The following SAMD3 variants were observed in gnomAD, a reference collection of about 807,000 sequenced individuals.
SAMD3 encodes sterile alpha motif domain containing 3.
In SAMD3, 63 loss-of-function variants were observed where a neutral mutation model predicts 58.5. The ratio of observed to expected loss-of-function variants is 1.08; its 90% CI spans 0.88 to 1.33. The LOEUF (loss-of-function observed/expected upper bound fraction) is 1.33. Ranked by LOEUF, SAMD3 falls within the 40% of genes most tolerant of loss-of-function variation. The pLI is 0.00. For missense variants in SAMD3, 604 were observed against 608.4 expected, an observed-to-expected ratio of 0.99 and a Z score of 0.08; for synonymous variants, 220 against 210.3, an observed-to-expected ratio of 1.05 and a Z score of -0.40.
intron 2 of SAMD3, among the ~76,000 whole-genome samples, chr6:130,255,393 G>A (rs991419292): frequency 5.3e-5 from 8 of 152,024 alleles, no homozygotes; most frequent in Admixed American, 2.0e-4. Context: ...TGATAATAGG[G>A]TATTGAAGCC....
At chr6:130,192,008 T>G (rs969141388) in intron 5 of SAMD3, among the ~76,000 whole-genome samples, 2 of 152,190 alleles carry the variant, frequency 1.3e-5, no homozygotes, top group Non-Finnish European at 2.9e-5. Context: ...ATCTCAAGCC[T>G]TCTTCTCAGG....
intron 1 of SAMD3, among the ~76,000 whole-genome samples, chr6:130,363,133 C>A (rs1471600030): frequency 6.6e-6 from 1 of 152,164 alleles, no homozygotes; most frequent in Non-Finnish European, 1.5e-5. Context: ...TATTTCACAT[C>A]AAGAACAAAG....
chr6:130,270,351 C>A (rs1774515368), intron 2 of SAMD3, among the ~76,000 whole-genome samples: 1 of 152,194 alleles, frequency 6.6e-6, no homozygotes, highest in South Asian at 2.1e-4. Context: ...CCTCAGCCTC[C>A]CAAAGTGCTG....
rs545684598 is a variant in SAMD3 at position 130,151,481 on chromosome 6, G to T, written c.1023+3344C>A. Among the ~76,000 whole-genome samples the T allele has an allele frequency of 3.3e-5, 5 of 152,022 alleles. No individual in the cohort carries two copies. In the East Asian group the frequency reaches 9.7e-4, roughly 29 times the overall value. Reference sequence around the variant, plus strand: ...TTTAACACGGAGTTTCACTCTTGTTGCCCAGACTGGAGTGCAGTGGCGCAA... The same window carrying T: ...TTTAACACGGAGTTTCACTCTTGTTTCCCAGACTGGAGTGCAGTGGCGCAA... On this transcript the variant is annotated intron_variant, in intron 9 of 11. Coordinates refer to ENST00000439090, the MANE Select transcript of SAMD3 (RefSeq NM_001017373.4).
chr6:130,211,041 A>G (rs1454636891), intron 4 of SAMD3, among the ~76,000 whole-genome samples: 1 of 151,408 alleles, frequency 6.6e-6, no homozygotes, highest in East Asian at 2.0e-4. Context: ...AATTGCTTGA[A>G]CCTGGGAGGC....
At chr6:130,190,788 C>G (rs1342764814) in intron 5 of SAMD3, among the ~76,000 whole-genome samples, 2 of 151,992 alleles carry the variant, frequency 1.3e-5, no homozygotes, top group Non-Finnish European at 2.9e-5. Context: ...TACATAAACA[C>G]CGATTTAATC....
At chr6:130,179,790 T>C (rs985677549) in intron 7 of SAMD3, among the ~76,000 whole-genome samples, 3 of 149,990 alleles carry the variant, frequency 2.0e-5, no homozygotes, top group Non-Finnish European at 4.4e-5. Context: ...ATTGTGGTTA[T>C]ATAAGAGATT....
chr6:130,161,332 T>C (rs1790262400), intron 8 of SAMD3: 1 of 152,248 alleles, frequency 6.6e-6, no homozygotes, highest in South Asian at 2.1e-4. Flanking sequence ...AAAAAATGTT[T>C]TAATTATCTA....
upstream of SAMD3, among the ~76,000 whole-genome samples, chr6:130,223,688 G>A (rs781545627): frequency 2.0e-5 from 3 of 152,160 alleles, no homozygotes; most frequent in South Asian, 2.1e-4. Context: ...CAGGGCGTGC[G>A]ATGGGTGTGA....
At chr6:130,188,385 C>A (rs1793203296) in intron 5 of SAMD3, among the ~76,000 whole-genome samples, 1 of 152,206 alleles carries the variant, frequency 6.6e-6, no homozygotes, top group Non-Finnish European at 1.5e-5. Context: ...GTATATATAA[C>A]ATTGCTTAGC....
At chr6:130,164,896 G>A (rs1443762598) in intron 8 of SAMD3, among the ~76,000 whole-genome samples, 1 of 152,042 alleles carries the variant, frequency 6.6e-6, no homozygotes, top group East Asian at 1.9e-4. Flanking sequence ...TGGTTAAACT[G>A]GTAAGTAACA....
upstream of SAMD3, among the ~76,000 whole-genome samples, chr6:130,223,826 A>C (rs1009982286): frequency 3.9e-5 from 6 of 152,148 alleles, no homozygotes; most frequent in Admixed American, 2.6e-4. Flanking sequence ...CAGAAGCCCC[A>C]GTGGGAGTGT....
chr6:130,221,500 C>A (rs191020966), intron 1 of SAMD3: 13 of 152,202 alleles, frequency 8.5e-5, no homozygotes, highest in Non-Finnish European at 1.8e-4. Context: ...AGAATCTTAA[C>A]TGATAACATA....
At chr6:130,240,607 G>GT in intron 2 of SAMD3, among the ~76,000 whole-genome samples, 1 of 152,318 alleles carries the variant, frequency 6.6e-6, no homozygotes, top group Non-Finnish European at 1.5e-5. Context: ...AATTCCCAAT[G>GT]TGACTGTGTT....
At chr6:130,189,631 A>G (rs1793346569) in intron 5 of SAMD3, among the ~76,000 whole-genome samples, 1 of 152,058 alleles carries the variant, frequency 6.6e-6, no homozygotes, top group South Asian at 2.1e-4. Flanking sequence ...GTATTTATTT[A>G]CTTATTTCCA....
chr6:130,266,198 C>T (rs1334161029), intron 2 of SAMD3, among the ~76,000 whole-genome samples: 2 of 152,114 alleles, frequency 1.3e-5, no homozygotes, highest in Non-Finnish European at 2.9e-5. Context: ...TTATTTCAAA[C>T]CTTCTATGAT....
chr6:130,186,852 C>T (rs939612396), intron 5 of SAMD3, among the ~76,000 whole-genome samples: 2 of 146,380 alleles, frequency 1.4e-5, no homozygotes, highest in African/African-American at 2.5e-5. Context: ...CTCACTGCAA[C>T]CTCCGCCTCC....
At chr6:130,245,864 G>C (rs1773524087) in intron 2 of SAMD3, among the ~76,000 whole-genome samples, 1 of 151,942 alleles carries the variant, frequency 6.6e-6, no homozygotes, top group African/African-American at 2.4e-5. Flanking sequence ...TCTATTTTGT[G>C]GCAAATCATG....
chr6:130,271,779 A>G (rs1774571899), intron 2 of SAMD3, among the ~76,000 whole-genome samples: 1 of 152,260 alleles, frequency 6.6e-6, no homozygotes, highest in African/African-American at 2.4e-5. Flanking sequence ...AGGAGGCCTC[A>G]TATTCGTGGC....
Sources: allele counts gnomAD v4.1 joint callset (sites outside exome capture counted in the v4.1 genomes callset), GRCh38; gene constraint gnomAD v4.1.1; transcripts MANE v1.5; gene names NCBI Gene and HGNC (gene_info 2026-07-23, HGNC 2026-07-21).